Variants in SH3PXD2A observed in about 807,000 individuals in gnomAD.
The protein encoded by SH3PXD2A is SH3 and PX domains 2A.
In SH3PXD2A, 32 loss-of-function variants were observed where a neutral mutation model predicts 115.2. The observed-to-expected ratio is 0.28, with a 90% CI of 0.21 to 0.37. The LOEUF (loss-of-function observed/expected upper bound fraction) is 0.37. SH3PXD2A is among the 10% of genes least tolerant of loss of function. The probability of loss-of-function intolerance (pLI) is 1.00; values close to 1 mark genes in which losing one functional copy is unlikely to be tolerated. For synonymous variants in SH3PXD2A, 610 were observed against 629.1 expected (o/e 0.97, Z 0.45); for missense variants, 1,328 against 1,498.7 (o/e 0.89, Z 1.88).
chr10:103,810,296 G>T (rs191788234), intron 1 of SH3PXD2A, among the ~76,000 whole-genome samples: 2 of 152,278 alleles, frequency 1.3e-5, no homozygotes, highest in African/African-American at 4.8e-5. Context: ...CTGACCTCGC[G>T]CCTGGTTTAG....
Position 103,622,504 on chromosome 10 carries a change from G to C in SH3PXD2A, c.768C>G (p.Thr256=), listed in dbSNP as rs937196042. Residue 256 remains threonine (T), a synonymous_variant, in exon 10 of 15, where the codon ACC becomes ACG. Transcript: ENST00000369774. The part of the protein sequence containing the change: ...AHLRRLDRRW[T]LGGMVNRQHS... Reference sequence around the variant, plus strand: ...GCTGCCTGTTGACCATCCCGCCCAGGGTCCACCGGCGATCCAGGCGCCGCA... The same window carrying C: ...GCTGCCTGTTGACCATCCCGCCCAGCGTCCACCGGCGATCCAGGCGCCGCA... 3 of 1,550,324 alleles carry C rather than the reference G, an allele frequency of 1.9e-6. No homozygotes were observed. The highest frequency in any genetic ancestry group is 2.4e-5 in the East Asian group (1 of 40,924).
intron 1 of SH3PXD2A, among the ~76,000 whole-genome samples, chr10:103,831,914 G>A (rs925087287): frequency 1.3e-5 from 2 of 152,148 alleles, no homozygotes; most frequent in African/African-American, 2.4e-5. Flanking sequence ...CATACAACCT[G>A]TGGCCTTTTG....
At chr10:103,645,299 C>T (rs776261674) in intron 8 of SH3PXD2A, among the ~76,000 whole-genome samples, 6 of 152,184 alleles carry the variant, frequency 3.9e-5, no homozygotes, top group African/African-American at 1.2e-4. Context: ...TGCCGGCCCC[C>T]GCAACTTCTG....
At chr10:103,770,031 T>C (rs1336330019) in intron 2 of SH3PXD2A, among the ~76,000 whole-genome samples, 1 of 152,198 alleles carries the variant, frequency 6.6e-6, no homozygotes, top group African/African-American at 2.4e-5. Context: ...CTAGAAGTTA[T>C]AGCAGTGGGT....
At chr10:103,656,101 G>A (rs73333353) in intron 8 of SH3PXD2A, among the ~76,000 whole-genome samples, 2,519 of 152,190 alleles carry the variant, frequency 0.017, 60 homozygotes, top group African/African-American at 0.052. Flanking sequence ...CTTAAACCCC[G>A]TACTGGAATT....
At chr10:103,829,650 A>G (rs2039466199) in intron 1 of SH3PXD2A, among the ~76,000 whole-genome samples, 1 of 152,250 alleles carries the variant, frequency 6.6e-6, no homozygotes, top group African/African-American at 2.4e-5. Flanking sequence ...CCGCCTGTGC[A>G]GAGTTTATAA....
intron 1 of SH3PXD2A, among the ~76,000 whole-genome samples, chr10:103,817,594 G>A (rs2039337474): frequency 1.3e-5 from 2 of 151,666 alleles, no homozygotes; most frequent in Admixed American, 1.3e-4. Flanking sequence ...GCCTGCCTTG[G>A]CCTCCCAAAG....
chr10:103,642,870 G>A (rs1173214925), intron 8 of SH3PXD2A, among the ~76,000 whole-genome samples: 2 of 152,062 alleles, frequency 1.3e-5, no homozygotes, highest in African/African-American at 4.8e-5. Flanking sequence ...AAGCTTCTTG[G>A]CCCCAGAATG....
intron 1 of SH3PXD2A, among the ~76,000 whole-genome samples, chr10:103,841,835 C>T (rs2039601568): frequency 6.6e-6 from 1 of 152,142 alleles, no homozygotes; most frequent in South Asian, 2.1e-4. Context: ...TATAAAATAG[C>T]ACAGCAAGGC....
chr10:103,700,948 T>TCATC (rs140092911), intron 5 of SH3PXD2A, among the ~76,000 whole-genome samples: 22,906 of 136,956 alleles, frequency 0.17, 2,820 homozygotes, highest in East Asian at 0.42. Flanking sequence ...AGTCCATCCA[T>TCATC]CATCCATCCA....
intron 9 of SH3PXD2A, among the ~76,000 whole-genome samples, chr10:103,624,710 G>T (rs932085635): frequency 6.6e-6 from 1 of 152,182 alleles, no homozygotes; most frequent in Admixed American, 6.5e-5. Flanking sequence ...AGGGCTCAGG[G>T]CACCTATGAT....
chr10:103,671,524 C>T (rs1287032490), intron 6 of SH3PXD2A, among the ~76,000 whole-genome samples: 1 of 152,166 alleles, frequency 6.6e-6, no homozygotes, highest in Admixed American at 6.5e-5. Context: ...TTTCCCAGTC[C>T]CCTGACCTGC....
In SH3PXD2A at chr10:103,612,928, G is replaced by T. The variant is rs760741994; in HGVS notation, c.1183C>A (p.Pro395Thr). ...NASNGSAVGVPDRTVSRLAQG... is the reference protein window; with the variant it reads ...NASNGSAVGVTDRTVSRLAQG... ...GCCAGCCTGGAGACAGTCCTGTCAGGAACGCCCACGGCACTGCCATTGGAG... is the reference window on the plus strand; with the variant it reads ...GCCAGCCTGGAGACAGTCCTGTCAGTAACGCCCACGGCACTGCCATTGGAG... Residue 395 changes from proline to threonine, a missense_variant, in exon 12 of 15, where the codon CCT (proline) becomes ACT (threonine). Transcript: ENST00000369774. The T allele has an allele frequency of 6.2e-7, 1 of 1,613,546 alleles. No homozygotes were observed. The highest frequency in any genetic ancestry group is 1.7e-5 in the Admixed American group (1 of 59,962).
At chr10:103,729,456 C>G (rs2038287884) in intron 4 of SH3PXD2A, among the ~76,000 whole-genome samples, 1 of 152,260 alleles carries the variant, frequency 6.6e-6, no homozygotes, top group East Asian at 1.9e-4. Flanking sequence ...ATCAATCAAT[C>G]TGATTGAGAC....
chr10:103,612,745 G>A (rs1217587697), intron 12 of SH3PXD2A, 108 bp downstream of exon 12: 1 of 692,664 alleles, frequency 1.4e-6, no homozygotes, highest in African/African-American at 1.8e-5. Context: ...TGTAGCCCAG[G>A]AGGAAAACGC....
chr10:103,632,014 G>A (rs969739012), intron 8 of SH3PXD2A, among the ~76,000 whole-genome samples: 1 of 151,986 alleles, frequency 6.6e-6, no homozygotes, highest in Admixed American at 6.6e-5. Context: ...CACTTCCCAC[G>A]CTAACCACCC....
intron 9 of SH3PXD2A, among the ~76,000 whole-genome samples, chr10:103,623,250 G>A (rs1032675176): frequency 6.6e-6 from 1 of 150,544 alleles, no homozygotes; most frequent in Middle Eastern, 3.4e-3. Context: ...GCCACCCATC[G>A]GGACATCTGA....
chr10:103,629,116 C>G (rs1025991619), intron 8 of SH3PXD2A, among the ~76,000 whole-genome samples: 1 of 152,222 alleles, frequency 6.6e-6, no homozygotes, highest in African/African-American at 2.4e-5. Flanking sequence ...AAACTCTCTA[C>G]CCCTGAGACC....
chr10:103,619,497 G>A (rs562908082), intron 10 of SH3PXD2A, among the ~76,000 whole-genome samples: 1 of 152,238 alleles, frequency 6.6e-6, no homozygotes, highest in Non-Finnish European at 1.5e-5. Flanking sequence ...GGTTGCATTT[G>A]CAGGGAAAAA....
Sources: gnomAD v4.1 joint callset for allele counts (sites outside exome capture counted in the v4.1 genomes callset) on GRCh38, gnomAD v4.1.1 for gene constraint, MANE v1.5 for transcripts, NCBI Gene and HGNC (gene_info 2026-07-23, HGNC 2026-07-21) for gene names.